CWF19L2: variants seen among roughly 807,000 people sequenced by gnomAD.
CWF19L2 encodes the protein CWF19 like cell cycle control factor 2, also known as CWF19-like protein 2.
In CWF19L2, 98 loss-of-function variants were observed where a neutral mutation model predicts 111.7. The ratio of observed to expected loss-of-function variants is 0.88; its 90% CI spans 0.75 to 1.04. The LOEUF is 1.04. Ranked by LOEUF, CWF19L2 falls within the 50% of genes least tolerant of loss-of-function variation. CWF19L2 has a pLI of 0.00. For synonymous variants in CWF19L2, 351 were observed against 342.9 expected (o/e 1.02, Z -0.26); for missense variants, 1,101 against 1,051.4 (o/e 1.05, Z -0.65).
At chr11:107,435,907 G>C (rs12277234) in intron 6 of CWF19L2, among the ~76,000 whole-genome samples, 1 of 152,052 alleles carries the variant, frequency 6.6e-6, no homozygotes, top group Non-Finnish European at 1.5e-5. Context: ...TGTAATCCCA[G>C]CACTTTGGGA....
intron 13 of CWF19L2, among the ~76,000 whole-genome samples, chr11:107,351,564 C>T (rs997508623): frequency 3.3e-5 from 5 of 152,150 alleles, no homozygotes; most frequent in African/African-American, 1.2e-4. Flanking sequence ...ATGAACAGAA[C>T]ATTTCAGAGA....
chr11:107,330,756 G>T (rs1181741921), intron 16 of CWF19L2, among the ~76,000 whole-genome samples: 1 of 151,328 alleles, frequency 6.6e-6, no homozygotes, highest in Non-Finnish European at 1.5e-5. Flanking sequence ...AGTAGATTTT[G>T]TGTCCTTGCA....
intron 17 of CWF19L2, among the ~76,000 whole-genome samples, chr11:107,328,667 T>C (rs1485422944): frequency 6.6e-6 from 1 of 152,222 alleles, no homozygotes; most frequent in East Asian, 1.9e-4. Flanking sequence ...CAGTTTAATA[T>C]ATACAACTTT....
At position 107,353,607 on chromosome 11, in the gene CWF19L2, G is replaced by C; in HGVS notation, c.2002C>G (p.Leu668Val). 1 of 1,613,794 alleles carries C rather than the reference G, an allele frequency of 6.2e-7. No individual in the cohort carries two copies. Among genetic ancestry groups the C allele is most frequent in the Non-Finnish European group, 8.5e-7 (1 of 1,179,762 alleles). The change falls in exon 13 of 18, where the codon CTT becomes GTT. Residue 668 changes from leucine to valine, a missense_variant. Coordinates refer to ENST00000282251, the MANE Select transcript of CWF19L2 (RefSeq NM_152434.3). ...RKKAIAEHRSLAAQMEKCLYC... is the reference protein window; with the variant it reads ...RKKAIAEHRSVAAQMEKCLYC... Reference sequence around the variant, plus strand: ...AGACATTTTTCCATTTGTGCAGCAAGACTCCGATGCTCAGCAATAGCTTTT... The same window carrying C: ...AGACATTTTTCCATTTGTGCAGCAACACTCCGATGCTCAGCAATAGCTTTT...
At chr11:107,355,684 G>C (rs1234429069) in intron 12 of CWF19L2, among the ~76,000 whole-genome samples, 1 of 151,946 alleles carries the variant, frequency 6.6e-6, no homozygotes, top group East Asian at 1.9e-4. Context: ...ATTTTAAGAG[G>C]ACATAACAAT....
At chr11:107,426,489 T>C (rs970559919) in intron 8 of CWF19L2, among the ~76,000 whole-genome samples, 2 of 151,892 alleles carry the variant, frequency 1.3e-5, no homozygotes, top group Non-Finnish European at 2.9e-5. Flanking sequence ...TATATTTAAA[T>C]AGCATGCAAA....
intron 11 of CWF19L2, 47 bp from the exon 12 acceptor site, chr11:107,390,258 G>C (rs761673015): frequency 6.9e-7 from 1 of 1,441,870 alleles, no homozygotes; most frequent in South Asian, 1.3e-5. Flanking sequence ...ATGAGTCTCT[G>C]AAGTATTTCT....
At position 107,455,730 on chromosome 11, in the gene CWF19L2, C is replaced by A; in HGVS notation, c.152G>T (p.Arg51Leu). ...EKEERRKELK[R>L]LRGEDTWMLP... ...CATCCATGTATCCTCACCCCGAAGTCGCTTAAGTTCTTTACGCCTTTCTTC... is the reference window on the plus strand; with the variant it reads ...CATCCATGTATCCTCACCCCGAAGTAGCTTAAGTTCTTTACGCCTTTCTTC... Residue 51 changes from arginine (R) to leucine (L), a missense_variant, in exon 2 of 18, where the codon CGA (arginine) becomes CTA (leucine). Physicochemically the swap from Arg to Leu is moderately radical, Grantham distance 102 (BLOSUM62 -2). Coordinates refer to ENST00000282251, the MANE Select transcript of CWF19L2 (RefSeq NM_152434.3). 2 of 1,551,184 alleles carry A rather than the reference C, an allele frequency of 1.3e-6. No homozygotes were observed. Among genetic ancestry groups the A allele is most frequent in the Non-Finnish European group, 1.7e-6 (2 of 1,146,756 alleles).
At position 107,454,576 on chromosome 11, in the gene CWF19L2, C is replaced by G. The variant is rs951568409; in HGVS notation, c.217-4G>C. On this transcript the variant is annotated splice_region_variant and splice_polypyrimidine_tract_variant and intron_variant, in intron 2 of 17. Transcript: ENST00000282251. ...TCTTTTTCTTCACAGAGTGTTCCTA[C>G]AATCATTTTGAACAGGCAAGAAAAT... The G allele has an allele frequency of 3.2e-5, 44 of 1,374,064 alleles. No homozygotes were observed. Among genetic ancestry groups the G allele is most frequent in the Non-Finnish European group, 4.0e-5 (43 of 1,064,764 alleles). 85.1% of individuals were successfully genotyped at this position (1,374,064 alleles called of 1,614,324 possible).
At chr11:107,433,913 T>C (rs1451614012) in intron 6 of CWF19L2, among the ~76,000 whole-genome samples, 164 bp from the exon 7 acceptor site, 6 of 126,952 alleles carry the variant, frequency 4.7e-5, no homozygotes, top group Admixed American at 4.1e-4. Context: ...TATATATATA[T>C]ATATATATTT....
chr11:107,437,152 C>T (rs1861552267), intron 6 of CWF19L2, among the ~76,000 whole-genome samples: 2 of 144,670 alleles, frequency 1.4e-5, no homozygotes, highest in Non-Finnish European at 3.1e-5. Context: ...AAGTATCTGA[C>T]ATTACCATCA....
At chr11:107,417,561 T>C (rs1051971332) in intron 9 of CWF19L2, among the ~76,000 whole-genome samples, 6 of 152,074 alleles carry the variant, frequency 3.9e-5, no homozygotes, top group African/African-American at 1.4e-4. Context: ...ATGACAAAAA[T>C]GAGGTAGAAA....
rs191960741 is a variant in CWF19L2 at position 107,362,016 on chromosome 11, C to T, written c.1873-8280G>A. ...GCGAGGCATTGCCGCACTTGGGAAG[C>T]GCAAGGGGTCAGGGAGTTCCCTTTC... is the stretch of plus-strand genomic sequence containing the variant. On this transcript the variant is annotated intron_variant, in intron 12 of 17. Coordinates refer to ENST00000282251, the MANE Select transcript of CWF19L2 (RefSeq NM_152434.3). Among the ~76,000 whole-genome samples the T allele has an allele frequency of 1.2e-4, 18 of 152,200 alleles. 1 individual carries two copies. The highest frequency in any genetic ancestry group is 4.2e-4 in the South Asian group (2 of 4,812).
In CWF19L2 at chr11:107,429,063, C is replaced by T. The variant is rs893055117; in HGVS notation, c.1169G>A (p.Ser390Asn). The change falls in exon 8 of 18, where the codon AGT becomes AAT. Residue 390 changes from serine (S) to asparagine (N), a missense_variant. By Grantham distance (46) the Ser-to-Asn change is conservative (BLOSUM62 1). Coordinates refer to ENST00000282251, the MANE Select transcript of CWF19L2 (RefSeq NM_152434.3). Reference sequence around the variant, plus strand: ...CTGAGCTACCAATGCTGAAGATGAACTAAGTGGTTCAAATTTTCTGCCCTT... The same window carrying T: ...CTGAGCTACCAATGCTGAAGATGAATTAAGTGGTTCAAATTTTCTGCCCTT... ...HSKGRKFEPL[S>N]SSSALVAQGS... 3 of 1,613,790 alleles carry T rather than the reference C, an allele frequency of 1.9e-6. No individual in the cohort carries two copies. The highest frequency in any genetic ancestry group is 1.3e-5 in the African/African-American group (1 of 75,030).
chr11:107,396,327 G>C (rs1365536168), intron 10 of CWF19L2, among the ~76,000 whole-genome samples: 12 of 152,122 alleles, frequency 7.9e-5, no homozygotes, highest in Non-Finnish European at 1.6e-4. Flanking sequence ...ATTACAGTTT[G>C]CTCTGGAGGA....
At chr11:107,453,481 A>C (rs1156559808) in intron 3 of CWF19L2, among the ~76,000 whole-genome samples, 1 of 152,086 alleles carries the variant, frequency 6.6e-6, no homozygotes, top group Non-Finnish European at 1.5e-5. Flanking sequence ...ATACCAGCTC[A>C]GCCATAGCTG....
At chr11:107,413,187 G>A (rs577490642) in intron 10 of CWF19L2, among the ~76,000 whole-genome samples, 1 of 152,272 alleles carries the variant, frequency 6.6e-6, no homozygotes, top group Non-Finnish European at 1.5e-5. Flanking sequence ...CTCTGGTAGG[G>A]GCTATTGATA....
intron 13 of CWF19L2, among the ~76,000 whole-genome samples, chr11:107,349,575 T>C (rs1156552019): frequency 6.6e-6 from 1 of 151,892 alleles, no homozygotes; most frequent in Non-Finnish European, 1.5e-5. Flanking sequence ...TTTACATACA[T>C]GTATTACCTA....
At chr11:107,448,550 T>A (rs950271504) in intron 3 of CWF19L2, among the ~76,000 whole-genome samples, 4 of 151,994 alleles carry the variant, frequency 2.6e-5, no homozygotes, top group Non-Finnish European at 2.9e-5. Flanking sequence ...CCTGAAAGTT[T>A]CATATTTGAT....
Sources: gnomAD v4.1 joint callset for allele counts (sites outside exome capture counted in the v4.1 genomes callset) on GRCh38, gnomAD v4.1.1 for gene constraint, MANE v1.5 for transcripts, NCBI Gene and HGNC (gene_info 2026-07-23, HGNC 2026-07-21) for gene names.